Variants in SLC28A3 observed in about 807,000 individuals in gnomAD.
SLC28A3 encodes concentrative Na(+)-nucleoside cotransporter 3.
A neutral mutation model predicts 84.2 loss-of-function variants in SLC28A3; 68 were observed. The observed-to-expected ratio is 0.81, with a 90% CI of 0.66 to 0.99. SLC28A3 has a LOEUF of 0.99. Ranked by LOEUF, SLC28A3 falls within the 50% of genes least tolerant of loss-of-function variation. SLC28A3 has a pLI of 0.00. For synonymous variants in SLC28A3, 267 were observed against 303.6 expected (o/e 0.88, Z 1.25); for missense variants, 712 against 841.5 (o/e 0.85, Z 1.90).
chr9:84,359,596 A>T, the SLC28A3 span, among the ~76,000 whole-genome samples: 2 of 152,244 alleles, frequency 1.3e-5, no homozygotes, highest in African/African-American at 4.8e-5. Context: ...ATGCATAAAT[A>T]TAAATCAAAG....
At chr9:84,337,431 C>CTGTGTGTGTGT (rs1564181314) in intron 1 of SLC28A3, among the ~76,000 whole-genome samples, 1 of 145,668 alleles carries the variant, frequency 6.9e-6, no homozygotes, top group East Asian at 2.1e-4. Flanking sequence ...GGGATGCTAG[C>CTGTGTGTGTGT]CTGTGTGTGT....
chr9:84,311,023 A>T (rs1023201602), intron 2 of SLC28A3, among the ~76,000 whole-genome samples: 4 of 152,104 alleles, frequency 2.6e-5, no homozygotes, highest in African/African-American at 9.7e-5. Flanking sequence ...CTTGACTCCC[A>T]CAATCATGGG....
the SLC28A3 span, among the ~76,000 whole-genome samples, chr9:84,364,829 T>C: frequency 6.6e-6 from 1 of 152,236 alleles, no homozygotes; most frequent in African/African-American, 2.4e-5. Flanking sequence ...GTTTCATCTA[T>C]GCTGTTGCAA....
chr9:84,346,185 G>A, the SLC28A3 span, among the ~76,000 whole-genome samples: 3 of 152,062 alleles, frequency 2.0e-5, no homozygotes, highest in Admixed American at 1.3e-4. Flanking sequence ...CCTATACCCC[G>A]TTCTGTTCTC....
At chr9:84,334,466 C>G (rs1826899158) in intron 1 of SLC28A3, among the ~76,000 whole-genome samples, 1 of 152,104 alleles carries the variant, frequency 6.6e-6, no homozygotes, top group South Asian at 2.1e-4. Context: ...GTAGTCACCC[C>G]TGGTTGGGTT....
chr9:84,308,195 G>A (rs1335100496), intron 3 of SLC28A3, among the ~76,000 whole-genome samples: 1 of 152,190 alleles, frequency 6.6e-6, no homozygotes, highest in Non-Finnish European at 1.5e-5. Context: ...GAGCTTGACA[G>A]ATCTCATGAC....
chr9:84,312,527 G>A (rs967524614), intron 2 of SLC28A3, among the ~76,000 whole-genome samples: 2 of 150,406 alleles, frequency 1.3e-5, no homozygotes, highest in East Asian at 3.9e-4. Flanking sequence ...ACACACTAGT[G>A]GGCACCCCAA....
chr9:84,289,964 G>A (rs1010903331), intron 11 of SLC28A3, 190 bp downstream of exon 11: 7 of 527,794 alleles, frequency 1.3e-5, no homozygotes, highest in Non-Finnish European at 2.3e-5. Flanking sequence ...TAGGCAGCAG[G>A]TATATGAAGC....
In SLC28A3 at chr9:84,297,925, C is replaced by T. The variant is rs753537755; in HGVS notation, c.764G>A (p.Trp255Ter). The change falls in exon 7 of 18, where the codon TGG (tryptophan) becomes TAG (stop). Residue 255 changes from tryptophan (W) to a stop codon, truncating the protein, a stop_gained. Transcript: ENST00000376238. LOFTEE classifies it high-confidence loss of function. ...RTDPGFIAFD[W>*]LGRQVQTFLE... ...ACTTACCTGAACTTGTCTGCCCAAC[C>T]AATCAAAAGCTATAAATCCAGGGTC... 4 of 1,603,352 alleles carry T rather than the reference C, an allele frequency of 2.5e-6. No individual in the cohort carries two copies. In the African/African-American group the frequency reaches 5.4e-5, roughly 22 times the overall value.
chr9:84,294,155 A>G (rs370615883), intron 9 of SLC28A3, 40 bp downstream of exon 9: 28 of 1,580,052 alleles, frequency 1.8e-5, no homozygotes, highest in Non-Finnish European at 2.1e-5. Flanking sequence ...TGAGATAATC[A>G]GCTCTACACC....
At chr9:84,354,426 G>A in the SLC28A3 span, among the ~76,000 whole-genome samples, 2 of 152,360 alleles carry the variant, frequency 1.3e-5, no homozygotes, top group East Asian at 3.9e-4. Context: ...TAGAAACAAT[G>A]AAGTTTTTAA....
chr9:84,306,492 G>A (rs1368239215), intron 3 of SLC28A3, among the ~76,000 whole-genome samples: 4 of 152,154 alleles, frequency 2.6e-5, no homozygotes, highest in Non-Finnish European at 5.9e-5. Flanking sequence ...TGTCTTCTTT[G>A]ATTGTGTTTT....
At chr9:84,309,767 T>C (rs1215381922) in intron 2 of SLC28A3, 53 bp from the exon 3 acceptor site, 3 of 1,497,892 alleles carry the variant, frequency 2.0e-6, no homozygotes, top group East Asian at 2.3e-5. Context: ...CTGGGCATAA[T>C]GGACCCTGGT....
chr9:84,365,754 T>C, the SLC28A3 span, among the ~76,000 whole-genome samples: 710 of 152,258 alleles, frequency 4.7e-3, 10 homozygotes, highest in East Asian at 0.046. Flanking sequence ...TCAGACAAGA[T>C]TGGGTGTGCT....
intron 1 of SLC28A3, among the ~76,000 whole-genome samples, chr9:84,337,821 A>G (rs894624132): frequency 1.3e-5 from 2 of 152,162 alleles, no homozygotes; most frequent in Non-Finnish European, 2.9e-5. Flanking sequence ...ATTCATTTCT[A>G]TCGTTGGTTA....
At chr9:84,317,002 A>AAACAACAAC (rs56145118) in intron 1 of SLC28A3, among the ~76,000 whole-genome samples, 5,514 of 150,252 alleles carry the variant, frequency 0.037, 290 homozygotes, top group African/African-American at 0.11. Context: ...CTCCGTCTCA[A>AAACAACAAC]AACAACAACA....
chr9:84,313,528 T>A, intron 1 of SLC28A3, 74 bp from the exon 2 acceptor site: 2 of 1,229,508 alleles, frequency 1.6e-6, no homozygotes, highest in Non-Finnish European at 2.3e-6. Flanking sequence ...GAAAAATACC[T>A]AGAGGAATTT....
chr9:84,342,580 AT>A (rs34749390), upstream of SLC28A3, among the ~76,000 whole-genome samples: 46,214 of 142,908 alleles, frequency 0.32, 9,779 homozygotes, highest in African/African-American at 0.62. Context: ...CCATGGCTAA[AT>A]TTTTTTTTTT....
At chr9:84,336,642 C>T (rs1826985583) in intron 1 of SLC28A3, among the ~76,000 whole-genome samples, 1 of 152,106 alleles carries the variant, frequency 6.6e-6, no homozygotes, top group Admixed American at 6.5e-5. Flanking sequence ...TACCATAGCA[C>T]TCCAGCATGG....
Sources: gnomAD v4.1 joint callset for allele counts (sites outside exome capture counted in the v4.1 genomes callset) on GRCh38, gnomAD v4.1.1 for gene constraint, MANE v1.5 for transcripts, NCBI Gene and HGNC (gene_info 2026-07-23, HGNC 2026-07-21) for gene names.